Variants in CACNA1H observed in about 807,000 individuals in gnomAD.
The protein encoded by CACNA1H is voltage-dependent T-type calcium channel subunit alpha-1H.
In CACNA1H, 149 loss-of-function variants were observed where a neutral mutation model predicts 192.5. The observed-to-expected ratio is 0.77, with a 90% CI of 0.68 to 0.89. The LOEUF (loss-of-function observed/expected upper bound fraction) is 0.89, where lower values mean the gene tolerates loss of function less well. Ranked by LOEUF, CACNA1H falls within the 40% of genes least tolerant of loss-of-function variation. The pLI, the probability that CACNA1H is intolerant of heterozygous loss-of-function variation, is 0.00. For missense variants in CACNA1H, 4,257 were observed against 3,423.5 expected (o/e 1.24, Z -6.08); for synonymous variants, 2,202 against 1,475.2 (o/e 1.49, Z -11.29).
intron 3 of CACNA1H, 42 bp downstream of exon 3, chr16:1,195,125 T>C: frequency 7.7e-7 from 1 of 1,297,614 alleles, no homozygotes; most frequent in Non-Finnish European, 1.1e-6. Flanking sequence ...CGTGGGTCGC[T>C]ACGAGGTTTA....
chr16:1,218,708 TGGG>T, intron 33 of CACNA1H, 57 bp downstream of exon 33: 1 of 786,242 alleles, frequency 1.3e-6, no homozygotes, highest in Non-Finnish European at 1.7e-6. Context: ...GGGAGGAAGA[TGGG>T]GGCAGGTGGG....
intron 2 of CACNA1H, among the ~76,000 whole-genome samples, chr16:1,171,415 C>T (rs937531723): frequency 6.6e-6 from 1 of 152,212 alleles, no homozygotes; most frequent in South Asian, 2.1e-4. Context: ...GGCAGAGAAC[C>T]CCCGCAGCCC....
At chr16:1,219,895 CT>C (rs1970344856) in intron 34 of CACNA1H, 85 bp from the exon 35 acceptor site, 17 of 1,106,376 alleles carry the variant, frequency 1.5e-5, no homozygotes, top group Non-Finnish European at 2.0e-5. Context: ...TCTCCAGTAC[CT>C]GGATGGTGAG....
chr16:1,203,817 C>T (rs1037712202), intron 9 of CACNA1H, among the ~76,000 whole-genome samples, 193 bp from the exon 10 acceptor site: 1 of 152,210 alleles, frequency 6.6e-6, no homozygotes, highest in Non-Finnish European at 1.5e-5. Context: ...AGCTTCATTC[C>T]TCATTGTAAC....
intron 2 of CACNA1H, among the ~76,000 whole-genome samples, chr16:1,179,039 T>G (rs984873762): frequency 1.3e-4 from 20 of 152,052 alleles, no homozygotes; most frequent in African/African-American, 4.8e-4. Flanking sequence ...CCCTGTTGGG[T>G]GGTGAATGGG....
intron 2 of CACNA1H, among the ~76,000 whole-genome samples, chr16:1,194,704 C>T (rs969506017): frequency 2.0e-5 from 3 of 152,164 alleles, no homozygotes; most frequent in Admixed American, 1.3e-4. Flanking sequence ...TCCTGCACCC[C>T]GCTTTCCTGA....
At position 1,205,145 on chromosome 16, in the gene CACNA1H, G is replaced by A; in HGVS notation, c.2483G>A (p.Ser828Asn). The change falls in exon 11 of 35, where the codon AGC becomes AAC. Residue 828 changes from serine (S) to asparagine (N), a missense_variant. Transcript: ENST00000348261. ...PEELTNALEI[S>N]NIVFTSMFAL... ...GAGCTGACTAATGCTCTGGAGATCA[G>A]CAACATCGTGTTCACCAGCATGTTT... 6.2e-7 allele frequency: 1 copy of A among 1,612,680 alleles called. No individual in the cohort carries two copies. Among genetic ancestry groups the A allele is most frequent in the Non-Finnish European group, 8.5e-7 (1 of 1,179,776 alleles).
intron 5 of CACNA1H, among the ~76,000 whole-genome samples, chr16:1,197,538 T>C (rs1342005600): frequency 6.6e-6 from 1 of 152,204 alleles, no homozygotes; most frequent in Non-Finnish European, 1.5e-5. Context: ...ATAATACGCT[T>C]CTCATAATGA....
chr16:1,159,993 C>A (rs1264577875), intron 2 of CACNA1H: 1 of 152,442 alleles, frequency 6.6e-6, no homozygotes, highest in African/African-American at 2.4e-5. Context: ...GAAGAGACGT[C>A]CCGTTCCGGG....
chr16:1,192,340 C>T (rs966580011), intron 2 of CACNA1H, among the ~76,000 whole-genome samples: 19 of 141,222 alleles, frequency 1.3e-4, no homozygotes, highest in African/African-American at 4.7e-4. Context: ...GGGTGCCACC[C>T]ACCCCTGCCA....
intron 27 of CACNA1H, among the ~76,000 whole-genome samples, chr16:1,214,673 G>A (rs1161788279): frequency 1.3e-5 from 2 of 152,316 alleles, no homozygotes; most frequent in East Asian, 3.9e-4. Context: ...CGGCTGCAGG[G>A]TGTGAAATGG....
chr16:1,162,567 G>T (rs1963319345), intron 2 of CACNA1H, among the ~76,000 whole-genome samples: 1 of 151,986 alleles, frequency 6.6e-6, no homozygotes, highest in African/African-American at 2.4e-5. Context: ...CACGGGGGCT[G>T]GTGCTGCAGT....
chr16:1,163,570 C>T (rs1328681514), intron 2 of CACNA1H, among the ~76,000 whole-genome samples: 1 of 152,262 alleles, frequency 6.6e-6, no homozygotes, highest in African/African-American at 2.4e-5. Flanking sequence ...GGGCCACACA[C>T]ACGGTCCCTG....
intron 2 of CACNA1H, among the ~76,000 whole-genome samples, chr16:1,156,618 T>TC (rs1165178568): frequency 6.6e-6 from 1 of 152,058 alleles, no homozygotes; most frequent in Non-Finnish European, 1.5e-5. Context: ...CTCCCCTCCC[T>TC]CCGCAGGGCC....
chr16:1,169,416 G>A (rs1292063159), intron 2 of CACNA1H, among the ~76,000 whole-genome samples: 1 of 152,228 alleles, frequency 6.6e-6, no homozygotes, highest in African/African-American at 2.4e-5. Context: ...CCCCGAGAGG[G>A]TGGCAGGGGC....
In CACNA1H at chr16:1,205,221, C is replaced by G. The variant is rs1968540455; in HGVS notation, c.2559C>G (p.Ile853Met). ...TGGCCTGCGGCCCTCTGGGCTACATCCGGAACCCGTACAACATCTTCGACG... is the reference window on the plus strand; with the variant it reads ...TGGCCTGCGGCCCTCTGGGCTACATGCGGAACCCGTACAACATCTTCGACG... ...KLLACGPLGYIRNPYNIFDGI... is the reference protein window; with the variant it reads ...KLLACGPLGYMRNPYNIFDGI... Residue 853 changes from isoleucine (I) to methionine (M), a missense_variant, in exon 11 of 35, where the codon ATC becomes ATG. Coordinates refer to ENST00000348261, the MANE Select transcript of CACNA1H (RefSeq NM_021098.3). The G allele has an allele frequency of 1.2e-6, 2 of 1,612,914 alleles. No homozygotes were observed. The highest frequency in any genetic ancestry group is 1.7e-6 in the Non-Finnish European group (2 of 1,179,674).
intron 4 of CACNA1H, 63 bp downstream of exon 4, chr16:1,195,628 C>G (rs939984306): frequency 6.6e-7 from 1 of 1,516,310 alleles, no homozygotes; most frequent in East Asian, 2.4e-5. Context: ...CCACAGGGAT[C>G]CCTGTGTCCC....
At chr16:1,181,621 A>G (rs1378818879) in intron 2 of CACNA1H, among the ~76,000 whole-genome samples, 1 of 152,242 alleles carries the variant, frequency 6.6e-6, no homozygotes, top group Non-Finnish European at 1.5e-5. Flanking sequence ...TTTATTAGAG[A>G]TAAATAGGTA....
chr16:1,158,972 CGTCT>C (rs374895447), intron 2 of CACNA1H, among the ~76,000 whole-genome samples: 2 of 152,216 alleles, frequency 1.3e-5, no homozygotes, highest in Admixed American at 6.5e-5. Context: ...TTTCACCGTC[CGTCT>C]GTCGCCCGGA....
Sources: allele counts gnomAD v4.1 joint callset (sites outside exome capture counted in the v4.1 genomes callset), GRCh38; gene constraint gnomAD v4.1.1; transcripts MANE v1.5; gene names NCBI Gene and HGNC (gene_info 2026-07-23, HGNC 2026-07-21).